COG8: variants seen among roughly 807,000 people sequenced by gnomAD.
COG8 encodes conserved oligomeric Golgi complex subunit 8.
In COG8, 45 loss-of-function variants were observed where a neutral mutation model predicts 46.5. The ratio of observed to expected loss-of-function variants is 0.97; its 90% CI spans 0.76 to 1.24. The LOEUF (loss-of-function observed/expected upper bound fraction) is 1.24. Ranked by LOEUF, COG8 falls within the 50% of genes most tolerant of loss-of-function variation. The pLI, the probability that COG8 is intolerant of heterozygous loss-of-function variation, is 0.00. For synonymous variants in COG8, 407 were observed against 347.8 expected, an observed-to-expected ratio of 1.17 and a Z score of -1.90; for missense variants, 793 against 820.8, an observed-to-expected ratio of 0.97 and a Z score of 0.41.
intron 3 of COG8, 108 bp downstream of exon 3, chr16:69,334,413 C>G: frequency 9.9e-7 from 1 of 1,006,460 alleles, no homozygotes; most frequent in Non-Finnish European, 1.5e-6. Flanking sequence ...CACACTAGAC[C>G]TCTCCATGTC....
chr16:69,337,122 A>G (rs1317319416), intron 1 of COG8, among the ~76,000 whole-genome samples: 1 of 152,072 alleles, frequency 6.6e-6, no homozygotes, highest in Non-Finnish European at 1.5e-5. Flanking sequence ...TCTACTAAAA[A>G]TACAAAAAAT....
At position 69,331,019 on chromosome 16, in the gene COG8, G is replaced by A. The variant is rs1289344025; in HGVS notation, c.1659C>T (p.Ala553=). ...GCGTCTCTCTCTTTGGCAGGATAAA[G>A]GCGAGGGGCTCCTGAATGGCGCCGA... ...VNIGAIQEPL[A]FILPKRETLF... Residue 553 remains alanine (A), a synonymous_variant, in exon 5 of 6, where the codon GCC becomes GCT. Coordinates refer to ENST00000306875, the MANE Select transcript of COG8 (RefSeq NM_032382.5). The A allele has an allele frequency of 5.6e-6, 9 of 1,613,120 alleles. No homozygotes were observed. Among genetic ancestry groups the A allele is most frequent in the Non-Finnish European group, 6.8e-6 (8 of 1,179,800 alleles).
chr16:69,330,121 C>T, intron 5 of COG8: 1 of 1,584,056 alleles, frequency 6.3e-7, no homozygotes, highest in Non-Finnish European at 8.6e-7. Flanking sequence ...CGAACACGCG[C>T]AGGGGGAAGG....
In COG8 at chr16:69,335,018, C is replaced by T. The variant is rs776011005; in HGVS notation, c.916G>A (p.Glu306Lys). 18 of 1,614,052 alleles carry T rather than the reference C, an allele frequency of 1.1e-5. No homozygotes were observed. Among genetic ancestry groups the T allele is most frequent in the Non-Finnish European group, 1.4e-5 (16 of 1,180,030 alleles). The change falls in exon 3 of 6, where the codon GAG becomes AAG. Residue 306 changes from glutamate to lysine, a missense_variant. Coordinates refer to ENST00000306875, the MANE Select transcript of COG8 (RefSeq NM_032382.5). Reference sequence around the variant, plus strand: ...ATGGCACTCTCATTCACAGTGTGCTCACCCATGGCAGGGGGCAGCAGTGGG... The same window carrying T: ...ATGGCACTCTCATTCACAGTGTGCTTACCCATGGCAGGGGGCAGCAGTGGG... ...EDPLLPPAMG[E>K]HTVNESAIFH...
intron 5 of COG8, chr16:69,330,556 C>G: frequency 6.8e-7 from 1 of 1,469,140 alleles, no homozygotes; most frequent in Non-Finnish European, 8.9e-7. Context: ...TCAGCGCGCC[C>G]CACAGCCGGG....
At chr16:69,332,350 A>G (rs2011928761) in intron 4 of COG8, among the ~76,000 whole-genome samples, 1 of 145,080 alleles carries the variant, frequency 6.9e-6, no homozygotes, top group African/African-American at 2.7e-5. Context: ...CTCCGCCTCA[A>G]AAAAAAAAAA....
intron 5 of COG8, chr16:69,330,021 G>C (rs1377783453): frequency 2.3e-5 from 35 of 1,541,384 alleles, no homozygotes; most frequent in East Asian, 1.5e-4. Flanking sequence ...GCCTGGAAGC[G>C]GGGCACGCAG....
rs922190390 is a variant in COG8, at chr16:69,330,839, C to T, written c.1839G>A (p.Ter613=). 1.3e-6 allele frequency: 2 copies of T among 1,536,604 alleles called. No individual in the cohort carries two copies. The highest frequency in any genetic ancestry group is 2.0e-5 in the Admixed American group (1 of 50,670). Residue 613 remains the stop codon, a stop_retained_variant, in exon 5 of 6, where the codon TAG becomes TAA. Coordinates refer to ENST00000306875, the MANE Select transcript of COG8 (RefSeq NM_032382.5). ...TQAEPPSVGP[*] ...GCGTTCTGGAGGCAGGGGACGCCGGCTAGGGCCCCACGCTGGGCGGTTCGG... is the reference window on the plus strand; with the variant it reads ...GCGTTCTGGAGGCAGGGGACGCCGGTTAGGGCCCCACGCTGGGCGGTTCGG...
Position 69,328,631 on chromosome 16 carries a change from T to G in COG8, c.*575A>C, listed in dbSNP as rs545346173. Reference sequence around the variant, plus strand: ...AACTCGGCACAAATGGCCAGTCACATGCTTACCTGCATTTTTAAAGACAGC... The same window carrying G: ...AACTCGGCACAAATGGCCAGTCACAGGCTTACCTGCATTTTTAAAGACAGC... On this transcript the variant is annotated 3_prime_UTR_variant, in exon 6 of 6. Transcript: ENST00000306875. 4.8e-6 allele frequency: 1 copy of G among 207,478 alleles called. No homozygotes were observed. The highest frequency in any genetic ancestry group is 7.1e-5 in the South Asian group (1 of 14,062). The allele number at this position is 207,478 out of a possible 1,614,324, so 12.9% of individuals were successfully genotyped here.
chr16:69,333,189 G>GAC (rs1178031089), intron 3 of COG8, among the ~76,000 whole-genome samples: 2 of 142,234 alleles, frequency 1.4e-5, no homozygotes, highest in Non-Finnish European at 3.0e-5. Flanking sequence ...TTTTTTTAGA[G>GAC]ACAGGATTTT....
intron 5 of COG8, 93 bp downstream of exon 5, chr16:69,330,720 T>A: frequency 1.4e-6 from 2 of 1,409,890 alleles, no homozygotes; most frequent in Non-Finnish European, 1.9e-6. Context: ...CCTTCCGCTC[T>A]CCTCCCGGGA....
At position 69,328,657 on chromosome 16, in the gene COG8, T is replaced by C. The variant is rs1224835208; in HGVS notation, c.*549A>G. ...GCTTACCTGCATTTTTAAAGACAGC[T>C]TTCAGGTATTTGGGGACTACATTAT... On this transcript the variant is annotated 3_prime_UTR_variant, in exon 6 of 6. Coordinates refer to ENST00000306875, the MANE Select transcript of COG8 (RefSeq NM_032382.5). 4.7e-6 allele frequency: 1 copy of C among 214,140 alleles called. No homozygotes were observed. Among genetic ancestry groups the C allele is most frequent in the Non-Finnish European group, 9.2e-6 (1 of 108,132 alleles). 13.3% of individuals were successfully genotyped at this position (214,140 alleles called of 1,614,324 possible).
At chr16:69,335,905 C>A (rs989405822) in intron 2 of COG8, among the ~76,000 whole-genome samples, 2 of 152,086 alleles carry the variant, frequency 1.3e-5, no homozygotes, top group African/African-American at 4.8e-5. Context: ...TTGGGACTTA[C>A]ACTGGTGGCC....
Position 69,330,796 on chromosome 16 carries a change from C to T in COG8, c.*26+17G>A, listed in dbSNP as rs1276615808. 6.6e-7 allele frequency: 1 copy of T among 1,514,034 alleles called. No homozygotes were observed. The highest frequency in any genetic ancestry group is 8.8e-7 in the Non-Finnish European group (1 of 1,137,106). 93.8% of individuals were successfully genotyped at this position (1,514,034 alleles called of 1,614,324 possible). ...GCGAGGCAGTCCTGGCCACCCCGCG[C>T]CGGGAACCTCACGCACCGCGTTCTG... On this transcript the variant is annotated intron_variant, in intron 5 of 5. Transcript: ENST00000306875.
Position 69,335,249 on chromosome 16 carries a change from T to C in COG8, c.685A>G (p.Ile229Val). The C allele has an allele frequency of 6.2e-7, 1 of 1,613,934 alleles. No individual in the cohort carries two copies. Among genetic ancestry groups the C allele is most frequent in the Non-Finnish European group, 8.5e-7 (1 of 1,179,992 alleles). Residue 229 changes from isoleucine to valine, a missense_variant, in exon 3 of 6, where the codon ATT becomes GTT. Coordinates refer to ENST00000306875, the MANE Select transcript of COG8 (RefSeq NM_032382.5). ...ACGTCCATGCGCCGCAGGTAGCCAA[T>C]GACACGGAGGCAGGCAGGAAGCTGG... ...NIQLPACLRV[I>V]GYLRRMDVFT...
intron 4 of COG8, among the ~76,000 whole-genome samples, 175 bp from the exon 5 acceptor site, chr16:69,331,270 C>T (rs887044170): frequency 2.0e-5 from 3 of 151,716 alleles, no homozygotes; most frequent in Admixed American, 2.0e-4. Flanking sequence ...CTGACCCACA[C>T]GGAGAAATCC....
Position 69,330,382 on chromosome 16 carries a change from C to A in COG8, c.*26+431G>T, listed in dbSNP as rs546597597. 64 of 1,479,438 alleles carry A rather than the reference C, an allele frequency of 4.3e-5. No individual in the cohort carries two copies. Among genetic ancestry groups the A allele is most frequent in the Non-Finnish European group, 5.3e-5 (59 of 1,123,026 alleles). The allele number at this position is 1,479,438 out of a possible 1,614,324, so 91.6% of individuals were successfully genotyped here. ...CCCCGACTTGGCACACGTGCGAGAA[C>A]GGCGGTTCGGGAGGACCCAGCACCA... On this transcript the variant is annotated intron_variant, in intron 5 of 5. Transcript: ENST00000306875.
In COG8 at chr16:69,339,406, G is replaced by A. The variant is rs1597227398; in HGVS notation, c.147C>T (p.Tyr49=). The A allele has an allele frequency of 3.8e-6, 6 of 1,584,726 alleles. No homozygotes were observed. The highest frequency in any genetic ancestry group is 2.6e-6 in the Non-Finnish European group (3 of 1,170,092). Reference sequence around the variant, plus strand: ...GCCCCGAGCCGCTCAACTCCCGGAGGTAGCGGCCCACATCGGGCCGCTCGC... The same window carrying A: ...GCCCCGAGCCGCTCAACTCCCGGAGATAGCGGCCCACATCGGGCCGCTCGC... The part of the protein sequence containing the change: ...QWRERPDVGR[Y]LRELSGSGLE... The change falls in exon 1 of 6, where the codon TAC becomes TAT. Residue 49 remains tyrosine (Y), a synonymous_variant. Coordinates refer to ENST00000306875, the MANE Select transcript of COG8 (RefSeq NM_032382.5).
rs1012311544 is a variant in COG8 at position 69,326,864 on chromosome 16, G to A, written c.*2342C>T. The A allele has an allele frequency of 8.5e-5, 13 of 152,156 alleles. No individual in the cohort carries two copies. Among genetic ancestry groups the A allele is most frequent in the Admixed American group, 7.2e-4 (11 of 15,270 alleles). 9.4% of individuals were successfully genotyped at this position (152,156 alleles called of 1,614,324 possible). ...GCTCACAACGTTGACATGTATATGC[G>A]TTTTTTGTGAGTGCTTCCTGCTCAA... On this transcript the variant is annotated 3_prime_UTR_variant, in exon 6 of 6. Transcript: ENST00000306875.
Sources: allele counts gnomAD v4.1 joint callset (sites outside exome capture counted in the v4.1 genomes callset), GRCh38; gene constraint gnomAD v4.1.1; transcripts MANE v1.5; gene names NCBI Gene and HGNC (gene_info 2026-07-23, HGNC 2026-07-21).